TLK2: variants seen among roughly 807,000 people sequenced by gnomAD.
TLK2 encodes tousled like kinase 2, also known as serine/threonine-protein kinase tousled-like 2.
Under a neutral mutation model 117.3 loss-of-function variants are expected in TLK2, and 6 were observed. The observed-to-expected ratio is 0.05, with a 90% CI of 0.03 to 0.10. The LOEUF (loss-of-function observed/expected upper bound fraction) is 0.10, where lower values mean the gene tolerates loss of function less well. Among genes scored for constraint, TLK2 ranks in the 10% least tolerant of loss-of-function variants. The pLI, the probability that TLK2 is intolerant of heterozygous loss-of-function variation, is 1.00. For synonymous variants in TLK2, 257 were observed against 316.7 expected (o/e 0.81, Z 2.00); for missense variants, 299 against 901.2 (o/e 0.33, Z 8.56).
chr17:62,494,052 C>T (rs947039383), intron 2 of TLK2, among the ~76,000 whole-genome samples: 9 of 152,216 alleles, frequency 5.9e-5, no homozygotes, highest in African/African-American at 2.2e-4. Flanking sequence ...AATTTGCTAT[C>T]CAGATTTGCT....
intron 21 of TLK2, among the ~76,000 whole-genome samples, chr17:62,610,013 C>T (rs959339558): frequency 1.1e-4 from 16 of 152,190 alleles, no homozygotes; most frequent in African/African-American, 3.9e-4. Flanking sequence ...TAGCTGCTCT[C>T]ACTACCCATG....
At chr17:62,497,157 G>A (rs112088815) in intron 2 of TLK2, among the ~76,000 whole-genome samples, 1 of 151,734 alleles carries the variant, frequency 6.6e-6, no homozygotes, top group Non-Finnish European at 1.5e-5. Flanking sequence ...GCATCTGTCC[G>A]GGAGGCTGAA....
chr17:62,508,948 A>G (rs1041713633), intron 2 of TLK2, among the ~76,000 whole-genome samples: 34 of 152,186 alleles, frequency 2.2e-4, no homozygotes, highest in Middle Eastern at 3.4e-3. Flanking sequence ...TGCCTGGGCA[A>G]TAGAGTGAGA....
Position 62,559,846 on chromosome 17 carries a change from G to A in TLK2, c.721-170G>A, listed in dbSNP as rs2079129447. ...GATGATATGTTATGAGAGAATAAAG[G>A]AATGAATTATTTACTTTTTCTAAGA... On this transcript the variant is annotated intron_variant, in intron 9 of 21. Coordinates refer to ENST00000346027, the MANE Select transcript of TLK2 (RefSeq NM_006852.6). Among the ~76,000 whole-genome samples the A allele has an allele frequency of 2.6e-5, 4 of 152,194 alleles. No individual in the cohort carries two copies. In the South Asian group the frequency reaches 8.3e-4, roughly 32 times the overall value.
At chr17:62,519,161 A>G (rs946890642) in intron 2 of TLK2, among the ~76,000 whole-genome samples, 1 of 152,230 alleles carries the variant, frequency 6.6e-6, no homozygotes, top group African/African-American at 2.4e-5. Flanking sequence ...CTGGGATTAT[A>G]GGAGTGAGCC....
chr17:62,530,100 C>T (rs1414753126), intron 6 of TLK2, among the ~76,000 whole-genome samples: 3 of 152,026 alleles, frequency 2.0e-5, no homozygotes, highest in Non-Finnish European at 4.4e-5. Flanking sequence ...TGGTGAAACC[C>T]TGTCTCTACT....
intron 2 of TLK2, among the ~76,000 whole-genome samples, chr17:62,496,922 A>ACT (rs2073749641): frequency 6.9e-6 from 1 of 144,740 alleles, no homozygotes; most frequent in Non-Finnish European, 1.5e-5. Flanking sequence ...GCGCCACTGC[A>ACT]CTCCAGCCTG....
At chr17:62,541,053 A>G (rs958242251) in intron 7 of TLK2, among the ~76,000 whole-genome samples, 22 of 152,002 alleles carry the variant, frequency 1.4e-4, no homozygotes, top group Non-Finnish European at 2.9e-4. Flanking sequence ...TTGCCCTAAC[A>G]TTCTTCACCC....
rs143728397 is a variant in TLK2, at chr17:62,490,637, G to A, written c.81+9431G>A. 1.4e-4 allele frequency among the ~76,000 whole-genome samples: 22 copies of A among 152,266 alleles called. No individual in the cohort carries two copies. The East Asian group carries it at 4.3e-3, about 29-fold the overall frequency. ...GCTCACTGCAACCTCCACCTCCCGGGTTCAAGCGATTCTCCTGCCTCAGCC... is the reference window on the plus strand; with the variant it reads ...GCTCACTGCAACCTCCACCTCCCGGATTCAAGCGATTCTCCTGCCTCAGCC... On this transcript the variant is annotated intron_variant, in intron 2 of 21. Coordinates refer to ENST00000346027, the MANE Select transcript of TLK2 (RefSeq NM_006852.6).
chr17:62,589,892 C>T (rs886231437), intron 16 of TLK2, among the ~76,000 whole-genome samples: 18 of 151,746 alleles, frequency 1.2e-4, no homozygotes, highest in African/African-American at 3.4e-4. Flanking sequence ...CTGCAAGCTC[C>T]GCCTCCTGGG....
intron 12 of TLK2, 44 bp from the exon 13 acceptor site, chr17:62,576,665 A>T (rs1347906922): frequency 6.9e-7 from 1 of 1,456,766 alleles, no homozygotes; most frequent in South Asian, 1.1e-5. Context: ...CAGGCAAACT[A>T]TGATTTCTAG....
At chr17:62,473,944 G>A (rs2070989139), upstream of TLK2, among the ~76,000 whole-genome samples, 1 of 152,024 alleles carries the variant, frequency 6.6e-6, no homozygotes, top group African/African-American at 2.4e-5. Flanking sequence ...CACGCAGGCT[G>A]GAGTACAATG....
intron 2 of TLK2, among the ~76,000 whole-genome samples, chr17:62,515,317 C>T (rs190900247): frequency 6.6e-6 from 1 of 152,316 alleles, no homozygotes; most frequent in African/African-American, 2.4e-5. Flanking sequence ...CTTTGAGGCC[C>T]TGCTTTCAAC....
chr17:62,474,435 C>A (rs946188453), upstream of TLK2, among the ~76,000 whole-genome samples: 2 of 144,328 alleles, frequency 1.4e-5, no homozygotes, highest in African/African-American at 5.1e-5. Context: ...TTTGAGAGGG[C>A]GTCTAGCTCT....
chr17:62,584,044 A>G (rs890805635), intron 15 of TLK2, among the ~76,000 whole-genome samples: 5 of 147,758 alleles, frequency 3.4e-5, no homozygotes, highest in Non-Finnish European at 5.9e-5. Flanking sequence ...AGAGAAAATT[A>G]TGCTTGAAAT....
chr17:62,515,154 A>G (rs1167538587), intron 2 of TLK2, among the ~76,000 whole-genome samples: 1 of 152,172 alleles, frequency 6.6e-6, no homozygotes, highest in Non-Finnish European at 1.5e-5. Flanking sequence ...ACTTAGCATA[A>G]TGTTCTCAGG....
At chr17:62,498,459 G>A (rs2073909357) in intron 2 of TLK2, among the ~76,000 whole-genome samples, 2 of 150,552 alleles carry the variant, frequency 1.3e-5, no homozygotes, top group African/African-American at 2.5e-5. Context: ...GCACAGTCTC[G>A]GGTCACTGCG....
intron 2 of TLK2, 88 bp downstream of exon 2, chr17:62,481,294 C>A: frequency 1.4e-6 from 2 of 1,449,972 alleles, no homozygotes; most frequent in Non-Finnish European, 1.9e-6. Context: ...GTAGGCCCTT[C>A]TGATAGTTTG....
chr17:62,546,069 A>G (rs1334879818), intron 7 of TLK2, among the ~76,000 whole-genome samples: 4 of 152,090 alleles, frequency 2.6e-5, no homozygotes, highest in Admixed American at 6.6e-5. Flanking sequence ...TTTAGTAGAG[A>G]CAGAGTTTCA....
Sources: gnomAD v4.1 joint callset for allele counts (sites outside exome capture counted in the v4.1 genomes callset) on GRCh38, gnomAD v4.1.1 for gene constraint, MANE v1.5 for transcripts, NCBI Gene and HGNC (gene_info 2026-07-23, HGNC 2026-07-21) for gene names.